CDH18: variants seen among roughly 807,000 people sequenced by gnomAD.
The protein encoded by CDH18 is cadherin-18.
A neutral mutation model predicts 67.9 loss-of-function variants in CDH18; 31 were observed. The observed-to-expected ratio is 0.46, with a 90% CI of 0.34 to 0.62. CDH18 has a LOEUF of 0.62. Among genes scored for constraint, CDH18 ranks in the 20% least tolerant of loss-of-function variants. The pLI, the probability that CDH18 is intolerant of heterozygous loss-of-function variation, is 0.01. For synonymous variants in CDH18, 362 were observed against 347.2 expected (o/e 1.04, Z -0.48); for missense variants, 890 against 975.5 (o/e 0.91, Z 1.17).
chr5:19,690,221 TAAG>T (rs1761682722), intron 5 of CDH18, among the ~76,000 whole-genome samples: 1 of 151,226 alleles, frequency 6.6e-6, no homozygotes, highest in Non-Finnish European at 1.5e-5. Context: ...ATGAGAAAAT[TAAG>T]AAGAATAATT....
At chr5:20,496,469 T>C (rs1306729423) in intron 1 of CDH18, among the ~76,000 whole-genome samples, 1 of 152,148 alleles carries the variant, frequency 6.6e-6, no homozygotes, top group Admixed American at 6.6e-5. Context: ...ATCCAGAATA[T>C]TTAATATTTT....
At chr5:19,644,510 G>A (rs981296271) in intron 5 of CDH18, among the ~76,000 whole-genome samples, 2 of 152,162 alleles carry the variant, frequency 1.3e-5, no homozygotes, top group African/African-American at 4.8e-5. Context: ...ACAGTGAATG[G>A]AATGTAGATA....
intron 2 of CDH18, among the ~76,000 whole-genome samples, chr5:19,880,370 A>C (rs186180930): frequency 9.6e-4 from 146 of 152,228 alleles, no homozygotes; most frequent in African/African-American, 3.4e-3. Context: ...ATGCAAATCG[A>C]GTAATTTTAA....
chr5:19,999,217 T>TACAC (rs149828207), intron 2 of CDH18, among the ~76,000 whole-genome samples: 12 of 149,868 alleles, frequency 8.0e-5, no homozygotes, highest in African/African-American at 1.2e-4. Flanking sequence ...AACTATTATT[T>TACAC]ACACACACAC....
intron 1 of CDH18, among the ~76,000 whole-genome samples, chr5:20,416,121 T>C (rs1294336067): frequency 6.6e-6 from 1 of 152,032 alleles, no homozygotes; most frequent in Non-Finnish European, 1.5e-5. Flanking sequence ...GTTCAGAGAG[T>C]AGATATCATG....
At chr5:20,412,464 A>C (rs1746869105) in intron 1 of CDH18, among the ~76,000 whole-genome samples, 1 of 152,234 alleles carries the variant, frequency 6.6e-6, no homozygotes, top group Non-Finnish European at 1.5e-5. Context: ...TTGTAACTAA[A>C]ACCTCAAAGG....
intron 2 of CDH18, among the ~76,000 whole-genome samples, chr5:20,159,810 C>T (rs548586755): frequency 3.3e-5 from 5 of 152,072 alleles, no homozygotes; most frequent in Non-Finnish European, 7.4e-5. Flanking sequence ...CTTCTCTTTG[C>T]CTCACTTCCT....
chr5:19,883,415 A>C (rs1787873023), intron 2 of CDH18, among the ~76,000 whole-genome samples: 2 of 150,720 alleles, frequency 1.3e-5, no homozygotes, highest in African/African-American at 4.9e-5. Flanking sequence ...TCACACAATG[A>C]CTATCCATTG....
At chr5:19,881,998 T>C (rs1787712871) in intron 2 of CDH18, among the ~76,000 whole-genome samples, 1 of 152,168 alleles carries the variant, frequency 6.6e-6, no homozygotes. Context: ...GTAATGTATT[T>C]TGAAAATCTC....
intron 2 of CDH18, among the ~76,000 whole-genome samples, chr5:19,955,819 G>C (rs1251855547): frequency 6.6e-6 from 1 of 151,970 alleles, no homozygotes; most frequent in Non-Finnish European, 1.5e-5. Context: ...TGTGAAAACA[G>C]ATTTGTGGAT....
chr5:20,368,735 G>A (rs1742726815), intron 1 of CDH18, among the ~76,000 whole-genome samples: 1 of 152,142 alleles, frequency 6.6e-6, no homozygotes, highest in Non-Finnish European at 1.5e-5. Context: ...TGGCATTAGA[G>A]CACACAAAGC....
intron 2 of CDH18, among the ~76,000 whole-genome samples, chr5:20,149,355 T>G (rs534094317): frequency 6.6e-6 from 1 of 152,330 alleles, no homozygotes; most frequent in Non-Finnish European, 1.5e-5. Flanking sequence ...CAGCCACATT[T>G]GAGACTTCAG....
At chr5:20,209,209 C>A (rs563369684) in intron 2 of CDH18, among the ~76,000 whole-genome samples, 25 of 152,060 alleles carry the variant, frequency 1.6e-4, no homozygotes, top group Admixed American at 2.6e-4. Flanking sequence ...CATAAAAATA[C>A]TAAACGTAGG....
intron 2 of CDH18, among the ~76,000 whole-genome samples, chr5:20,247,532 G>T (rs757427452): frequency 1.3e-5 from 2 of 152,026 alleles, no homozygotes; most frequent in African/African-American, 4.8e-5. Context: ...TTTGGAGGGC[G>T]AAATGGGTGG....
chr5:20,346,108 A>G (rs537837213), intron 1 of CDH18, among the ~76,000 whole-genome samples: 218 of 152,298 alleles, frequency 1.4e-3, no homozygotes, highest in Non-Finnish European at 2.6e-3. Context: ...CCAACCGTTT[A>G]GAATGGCTGT....
intron 2 of CDH18, among the ~76,000 whole-genome samples, chr5:20,157,494 T>C (rs1236708476): frequency 6.6e-6 from 1 of 152,154 alleles, no homozygotes; most frequent in Non-Finnish European, 1.5e-5. Context: ...TGAGAAATGT[T>C]ATTGTGCATA....
At chr5:20,291,046 T>C (rs1303984155) in intron 1 of CDH18, among the ~76,000 whole-genome samples, 2 of 152,004 alleles carry the variant, frequency 1.3e-5, no homozygotes, top group Admixed American at 6.6e-5. Context: ...ATGAGAGTGA[T>C]TATAAGAATG....
intron 5 of CDH18, among the ~76,000 whole-genome samples, chr5:19,639,788 C>CA (rs1345353802): frequency 6.6e-6 from 1 of 152,218 alleles, no homozygotes; most frequent in Non-Finnish European, 1.5e-5. Flanking sequence ...CATCCTATTG[C>CA]AATCTTTCCA....
chr5:19,831,493 T>C (rs1450002738), intron 3 of CDH18, among the ~76,000 whole-genome samples: 2 of 152,042 alleles, frequency 1.3e-5, no homozygotes, highest in Admixed American at 6.6e-5. Flanking sequence ...CCAACAAGCA[T>C]GTTAAAAATA....
Sources: allele counts gnomAD v4.1 joint callset (sites outside exome capture counted in the v4.1 genomes callset), GRCh38; gene constraint gnomAD v4.1.1; transcripts MANE v1.5; gene names NCBI Gene and HGNC (gene_info 2026-07-23, HGNC 2026-07-21).